IL1RL2: variants seen among roughly 807,000 people sequenced by gnomAD.
IL1RL2 encodes interleukin-1 receptor-like 2.
A neutral mutation model predicts 66.8 loss-of-function variants in IL1RL2; 68 were observed. The ratio of observed to expected loss-of-function variants is 1.02; its 90% confidence interval spans 0.84 to 1.25. The LOEUF is 1.25. IL1RL2 is among the 50% of genes most tolerant of loss of function. The pLI, the probability that IL1RL2 is intolerant of heterozygous loss-of-function variation, is 0.00. For missense variants in IL1RL2, 729 were observed against 709.3 expected (o/e 1.03, Z -0.32); for synonymous variants, 305 against 264.6 (o/e 1.15, Z -1.48).
intron 1 of IL1RL2, 36 bp from the exon 2 acceptor site, chr2:102,187,820 G>A (rs755234485): frequency 4.5e-6 from 7 of 1,554,042 alleles, no homozygotes; most frequent in African/African-American, 1.4e-5. Flanking sequence ...GCCCTACTGC[G>A]TCCTCCCCTC....
chr2:102,206,131 A>G (rs912415295), intron 5 of IL1RL2, among the ~76,000 whole-genome samples: 49 of 152,114 alleles, frequency 3.2e-4, no homozygotes, highest in African/African-American at 1.1e-3. Flanking sequence ...ATCTGATAGA[A>G]TTCTGAATTC....
chr2:102,227,897 T>C (rs1342282061), intron 9 of IL1RL2, among the ~76,000 whole-genome samples: 1 of 152,010 alleles, frequency 6.6e-6, no homozygotes, highest in Non-Finnish European at 1.5e-5. Flanking sequence ...CTTATGGGTG[T>C]TGTGCAGTGT....
chr2:102,212,426 T>C (rs2104804250), intron 6 of IL1RL2, among the ~76,000 whole-genome samples: 1 of 152,308 alleles, frequency 6.6e-6, no homozygotes, highest in East Asian at 1.9e-4. Flanking sequence ...ATTATAAATC[T>C]GTTTATGCAA....
At chr2:102,195,641 CTCTCTCTTTCTTTCTTTCTT>C (rs1426034005) in intron 4 of IL1RL2, among the ~76,000 whole-genome samples, 28 of 31,694 alleles carry the variant, frequency 8.8e-4, no homozygotes, top group Admixed American at 1.9e-3. Context: ...CTCTCTCTCT[CTCTCTCTTTCTTTCTTTCTT>C]TCTTTCTTTC....
Position 102,192,006 on chromosome 2 carries a change from A to G in IL1RL2, c.375A>G (p.Leu125=), listed in dbSNP as rs776824226. ...KHWCDTSIGG[L]PNLSDEYKQI... is the part of the protein sequence containing the mutation. ...GGTGTGACACTTCCATAGGTGGTTT[A>G]CCAAATTTATCAGATGAGTACAAGC... Residue 125 remains leucine (L), a synonymous_variant, in exon 4 of 12, where the codon TTA becomes TTG. Coordinates refer to ENST00000264257, the MANE Select transcript of IL1RL2 (RefSeq NM_003854.4). 5.6e-6 allele frequency: 9 copies of G among 1,612,978 alleles called. No individual in the cohort carries two copies. The highest frequency in any genetic ancestry group is 3.3e-5 in the Admixed American group (2 of 59,804).
At position 102,233,028 on chromosome 2, in the gene IL1RL2, G is replaced by C. The variant is rs374580966; in HGVS notation, c.1201G>C (p.Val401Leu). ...CCACAAGGAAAGCCAGAGGCATGCC[G>C]TGGATGCCCTGGTGTTGAATATCCT... ...KPHKESQRHA[V>L]DALVLNILPE... Residue 401 changes from valine to leucine, a missense_variant, in exon 10 of 12, where the codon GTG becomes CTG. Transcript: ENST00000264257. 1.9e-6 allele frequency: 3 copies of C among 1,614,110 alleles called. No homozygotes were observed. The highest frequency in any genetic ancestry group is 2.5e-6 in the Non-Finnish European group (3 of 1,179,938).
At chr2:102,241,044 C>T (rs960206986), downstream of IL1RL2, among the ~76,000 whole-genome samples, 2 of 152,276 alleles carry the variant, frequency 1.3e-5, no homozygotes, top group East Asian at 3.8e-4. Flanking sequence ...GCCCGAAGCT[C>T]ACAGAGCCCC....
At chr2:102,226,759 T>C (rs538740777) in intron 9 of IL1RL2, among the ~76,000 whole-genome samples, 5 of 142,472 alleles carry the variant, frequency 3.5e-5, no homozygotes, top group African/African-American at 1.3e-4. Flanking sequence ...GGGAGAGAGA[T>C]GGAGGAGAAG....
intron 1 of IL1RL2, 163 bp downstream of exon 1, chr2:102,187,249 A>C (rs1578071354): frequency 3.4e-6 from 4 of 1,179,864 alleles, no homozygotes; most frequent in South Asian, 3.1e-5. Flanking sequence ...GGGGGAGCCG[A>C]CTCCGTCTCT....
intron 8 of IL1RL2, among the ~76,000 whole-genome samples, chr2:102,221,689 G>A (rs913367150): frequency 1.3e-5 from 2 of 151,728 alleles, no homozygotes; most frequent in Non-Finnish European, 2.9e-5. Context: ...AGGTTTTCAG[G>A]CTCAGATCCT....
chr2:102,229,494 T>A (rs1690928539), intron 9 of IL1RL2, among the ~76,000 whole-genome samples: 1 of 152,188 alleles, frequency 6.6e-6, no homozygotes, highest in South Asian at 2.1e-4. Context: ...GATCGCACAG[T>A]CTTGCTGGTC....
chr2:102,205,768 A>T (rs118150718), intron 5 of IL1RL2, among the ~76,000 whole-genome samples: 2,211 of 152,194 alleles, frequency 0.015, 36 homozygotes, highest in East Asian at 0.077. Context: ...TTGGGGACTG[A>T]TATCTTTCTC....
intron 4 of IL1RL2, 59 bp from the exon 5 acceptor site, chr2:102,201,497 A>G (rs770162134): frequency 3.3e-6 from 5 of 1,497,956 alleles, no homozygotes; most frequent in Non-Finnish European, 4.6e-6. Flanking sequence ...CCTAAATACT[A>G]GGGATCACAC....
intron 6 of IL1RL2, among the ~76,000 whole-genome samples, chr2:102,215,312 G>A (rs1689511684): frequency 6.6e-6 from 1 of 152,128 alleles, no homozygotes; most frequent in Admixed American, 6.5e-5. Context: ...TCCTGTTCTG[G>A]GGGCCAGTAG....
At chr2:102,236,523 C>T (rs952863417) in intron 11 of IL1RL2, among the ~76,000 whole-genome samples, 9 of 152,208 alleles carry the variant, frequency 5.9e-5, no homozygotes, top group Non-Finnish European at 1.3e-4. Context: ...ATGGAGGCCT[C>T]GACTTGACAT....
chr2:102,223,775 C>T (rs1690351979), intron 8 of IL1RL2, among the ~76,000 whole-genome samples: 1 of 152,280 alleles, frequency 6.6e-6, no homozygotes, highest in Non-Finnish European at 1.5e-5. Context: ...ACTAAATATT[C>T]CCAGACACGA....
chr2:102,208,376 C>A (rs1465326), intron 5 of IL1RL2, among the ~76,000 whole-genome samples: 1 of 152,058 alleles, frequency 6.6e-6, no homozygotes. Context: ...AGGTCACAAA[C>A]CTGGTTATTG....
rs138307764 is a variant in IL1RL2 at position 102,207,699 on chromosome 2, G to T, written c.650-4401G>T. Among the ~76,000 whole-genome samples, 863 of 152,210 alleles carry T rather than the reference G, an allele frequency of 5.7e-3. 5 individuals carry two copies. The highest frequency in any genetic ancestry group is 8.9e-3 in the Non-Finnish European group (607 of 68,014). ...ATAGCTGCAAGGTGTGCAGTCTGGGGTGATAAAGAGGGGTGATGCCCACAC... is the reference window on the plus strand; with the variant it reads ...ATAGCTGCAAGGTGTGCAGTCTGGGTTGATAAAGAGGGGTGATGCCCACAC... On this transcript the variant is annotated intron_variant, in intron 5 of 11. Transcript: ENST00000264257.
chr2:102,216,558 T>G (rs1010187441), intron 6 of IL1RL2, among the ~76,000 whole-genome samples: 2 of 152,204 alleles, frequency 1.3e-5, no homozygotes, highest in Non-Finnish European at 1.5e-5. Context: ...TTAGAGAATT[T>G]AATCCATTTA....
Sources: allele counts gnomAD v4.1 joint callset (sites outside exome capture counted in the v4.1 genomes callset), GRCh38; gene constraint gnomAD v4.1.1; transcripts MANE v1.5; gene names NCBI Gene and HGNC (gene_info 2026-07-23, HGNC 2026-07-21).